TBXAS1: variants seen among roughly 807,000 people sequenced by gnomAD.
The protein encoded by TBXAS1 is thromboxane-A synthase.
TBXAS1 carries 48 observed loss-of-function variants against 60.7 expected under a neutral mutation model. The ratio of observed to expected loss-of-function variants is 0.79; its 90% confidence interval spans 0.63 to 1.01. The LOEUF is 1.01. Among genes scored for constraint, TBXAS1 ranks in the 50% least tolerant of loss-of-function variants. The probability of loss-of-function intolerance (pLI) is 0.00; values close to 1 mark genes in which losing one functional copy is unlikely to be tolerated. For synonymous variants in TBXAS1, 287 were observed against 269.7 expected (o/e 1.06, Z -0.63); for missense variants, 685 against 686.3 (o/e 1.00, Z 0.02).
Position 139,829,423 on chromosome 7 carries a change from GA to G in TBXAS1, c.35del (p.Asn12MetfsTer5), listed in dbSNP as rs1301372798. 1 of 1,614,008 alleles carries G rather than the reference GA, an allele frequency of 6.2e-7. No homozygotes were observed. The highest frequency in any genetic ancestry group is 2.2e-5 in the East Asian group (1 of 44,882). ...CCTTGGGGTTTCTAAAATTGGAAGT[GA>G]ATGGCCCCATGGTGACGGTGGCCCT... ...EALGFLKLEVNGPMVTVALSV... is the reference protein window; with the variant it reads ...EALGFLKLEVXGPMVTVALSV... On this transcript the variant is annotated frameshift_variant, in exon 1 of 13. Coordinates refer to ENST00000448866, the MANE Select transcript of TBXAS1 (RefSeq NM_001061.7). LOFTEE classifies it high-confidence loss of function.
At chr7:139,889,637 T>C (rs943885858) in intron 3 of TBXAS1, among the ~76,000 whole-genome samples, 1 of 152,150 alleles carries the variant, frequency 6.6e-6, no homozygotes, top group Admixed American at 6.5e-5. Flanking sequence ...AACCAACAGA[T>C]TCATTGTCTG....
Position 139,953,615 on chromosome 7 carries a change from C to G in TBXAS1, c.539+159C>G, listed in dbSNP as rs1039992100. On this transcript the variant is annotated intron_variant, in intron 6 of 12. Coordinates refer to ENST00000448866, the MANE Select transcript of TBXAS1 (RefSeq NM_001061.7). ...ACTGATTAATAAAAAGAAAAGAAACCCACTTAACATGGGAAAGAGATGTGA... is the reference window on the plus strand; with the variant it reads ...ACTGATTAATAAAAAGAAAAGAAACGCACTTAACATGGGAAAGAGATGTGA... 1.1e-5 allele frequency: 8 copies of G among 706,232 alleles called. No individual in the cohort carries two copies. In the African/African-American group the frequency reaches 1.3e-4, roughly 11 times the overall value. The allele number at this position is 706,232 out of a possible 1,614,324, so 43.7% of individuals were successfully genotyped here.
In TBXAS1 at chr7:139,892,673, A is replaced by C. The variant is rs189280992; in HGVS notation, c.236+17036A>C. On this transcript the variant is annotated intron_variant, in intron 3 of 12. Coordinates refer to ENST00000448866, the MANE Select transcript of TBXAS1 (RefSeq NM_001061.7). ...AGCACCTACCTATCTCACAGGTCTG[A>C]CATGAGACTCAAAGGAGCTCTCAGA... is the stretch of plus-strand genomic sequence containing the variant. Among the ~76,000 whole-genome samples the C allele has an allele frequency of 5.3e-5, 8 of 152,330 alleles. No homozygotes were observed. In the East Asian group the frequency reaches 1.5e-3, roughly 29 times the overall value.
intron 9 of TBXAS1, among the ~76,000 whole-genome samples, chr7:139,982,795 C>T (rs148447814): frequency 3.3e-5 from 5 of 152,188 alleles, no homozygotes; most frequent in Non-Finnish European, 5.9e-5. Flanking sequence ...GGAAAATGAA[C>T]GAGGAGGTTT....
chr7:139,875,788 G>A, intron 3 of TBXAS1, 151 bp downstream of exon 3: 2 of 1,014,162 alleles, frequency 2.0e-6, no homozygotes, highest in Non-Finnish European at 3.0e-6. Flanking sequence ...CAAAGAGGGA[G>A]TCCTGCAGTA....
rs1806153557 is a variant in TBXAS1, at chr7:139,918,218, T to C, written c.333+6897T>C. 1.3e-5 allele frequency among the ~76,000 whole-genome samples: 2 copies of C among 152,216 alleles called. 1 individual carries two copies. The highest frequency in any genetic ancestry group is 4.8e-5 in the African/African-American group (2 of 41,460). On this transcript the variant is annotated intron_variant, in intron 4 of 12. Transcript: ENST00000448866. ...CAGATTTGCTACCTCTTATTAGTTG[T>C]GTGGCCTTCAGACAATCCTTTAACC... is the stretch of plus-strand genomic sequence containing the variant.
chr7:139,971,286 T>C (rs1811175148), intron 9 of TBXAS1, among the ~76,000 whole-genome samples: 2 of 152,116 alleles, frequency 1.3e-5, no homozygotes, highest in South Asian at 4.1e-4. Context: ...CCTCTCTGGG[T>C]GTGTACCTGG....
rs371525697 is a variant in TBXAS1, at chr7:140,014,337, G to A, written c.1227-1386G>A. 3.4e-4 allele frequency among the ~76,000 whole-genome samples: 52 copies of A among 152,272 alleles called. 1 individual carries two copies. The South Asian group carries it at 1.0e-2, about 29-fold the overall frequency. On this transcript the variant is annotated intron_variant, in intron 10 of 12. Transcript: ENST00000448866. ...CTGATGACCTGCTGCTGCTCAGGCC[G>A]ACTTCGAGGATTCTGTGGACCGCCC...
Position 139,962,104 on chromosome 7 carries a change from C to T in TBXAS1, c.1005C>T (p.Ala335=). 6.2e-7 allele frequency: 1 copy of T among 1,614,222 alleles called. No individual in the cohort carries two copies. Among genetic ancestry groups the T allele is most frequent in the Non-Finnish European group, 8.5e-7 (1 of 1,180,038 alleles). The change falls in exon 9 of 13, where the codon GCC becomes GCT. Residue 335 remains alanine (A), a synonymous_variant. Transcript: ENST00000448866. ...PLTVDEIVGQ[A]FIFLIAGYEI... is the part of the protein sequence containing the mutation. ...CTGTGGATGAGATTGTGGGCCAGGC[C>T]TTCATCTTCCTCATCGCTGGCTATG... is the stretch of plus-strand genomic sequence containing the variant.
intron 5 of TBXAS1, among the ~76,000 whole-genome samples, chr7:139,951,909 GAA>G (rs200315932): frequency 5.6e-5 from 4 of 71,220 alleles, no homozygotes; most frequent in Admixed American, 1.6e-4. Context: ...GAAAGAAAGA[GAA>G]AGAAAGAGAG....
chr7:139,861,149 G>A (rs1800932451), intron 1 of TBXAS1, among the ~76,000 whole-genome samples: 1 of 150,774 alleles, frequency 6.6e-6, no homozygotes, highest in Admixed American at 6.6e-5. Context: ...ACTCCAGCCT[G>A]GGCAACAAGA....
chr7:139,792,513 C>T (rs1266471913), intron 4 of TBXAS1, among the ~76,000 whole-genome samples: 4 of 152,186 alleles, frequency 2.6e-5, no homozygotes, highest in Non-Finnish European at 5.9e-5. Context: ...CACCCAGCAT[C>T]TAGATACAGT....
chr7:139,858,175 G>A (rs1800714969), intron 1 of TBXAS1, among the ~76,000 whole-genome samples: 1 of 152,198 alleles, frequency 6.6e-6, no homozygotes, highest in South Asian at 2.1e-4. Flanking sequence ...ATGGCCTCCA[G>A]GTGACCCATC....
At chr7:139,979,830 T>C (rs934590913) in intron 9 of TBXAS1, among the ~76,000 whole-genome samples, 1 of 150,670 alleles carries the variant, frequency 6.6e-6, no homozygotes, top group South Asian at 2.1e-4. Context: ...TTTTTTGGGG[T>C]TTTTTTTATG....
chr7:139,885,830 G>A (rs560709228), intron 3 of TBXAS1, among the ~76,000 whole-genome samples: 53 of 152,244 alleles, frequency 3.5e-4, no homozygotes, highest in African/African-American at 1.2e-3. Context: ...AGGGCAAAAG[G>A]TAAAGGAATC....
At chr7:140,007,754 T>A (rs1814205585) in intron 10 of TBXAS1, among the ~76,000 whole-genome samples, 1 of 152,144 alleles carries the variant, frequency 6.6e-6, no homozygotes, top group Non-Finnish European at 1.5e-5. Context: ...TGGGCTTGCC[T>A]CACCTGGTCC....
intron 4 of TBXAS1, among the ~76,000 whole-genome samples, chr7:139,934,683 G>A (rs1016270118): frequency 9.9e-5 from 15 of 152,190 alleles, no homozygotes; most frequent in African/African-American, 3.6e-4. Context: ...TCTTTGGCTT[G>A]TGCATGGCTG....
intron 4 of TBXAS1, among the ~76,000 whole-genome samples, chr7:139,932,039 C>G (rs1807367750): frequency 1.3e-5 from 2 of 151,568 alleles, no homozygotes; most frequent in Non-Finnish European, 2.9e-5. Context: ...TAAGATGGGG[C>G]ACCTGTAGTC....
At chr7:139,801,211 T>C (rs186972590) in intron 4 of TBXAS1, among the ~76,000 whole-genome samples, 40 of 152,364 alleles carry the variant, frequency 2.6e-4, no homozygotes, top group South Asian at 6.2e-4. Flanking sequence ...TTTTTAACAT[T>C]ATTGTTAAAT....
Sources: allele counts gnomAD v4.1 joint callset (sites outside exome capture counted in the v4.1 genomes callset), GRCh38; gene constraint gnomAD v4.1.1; transcripts MANE v1.5; gene names NCBI Gene and HGNC (gene_info 2026-07-23, HGNC 2026-07-21).